ENTPD6: variants seen among roughly 807,000 people sequenced by gnomAD.
ENTPD6 encodes ectonucleoside triphosphate diphosphohydrolase 6, also known as CD39 antigen-like 2.
A neutral mutation model predicts 61.5 loss-of-function variants in ENTPD6; 46 were observed. The observed-to-expected ratio is 0.75, with a 90% CI of 0.59 to 0.96. ENTPD6 has a LOEUF of 0.96. Among genes scored for constraint, ENTPD6 ranks in the 40% least tolerant of loss-of-function variants. ENTPD6 has a pLI of 0.00. For synonymous variants in ENTPD6, 252 were observed against 255.5 expected, an observed-to-expected ratio of 0.99 and a Z score of 0.13; for missense variants, 612 against 629.0, an observed-to-expected ratio of 0.97 and a Z score of 0.29.
Position 25,207,406 on chromosome 20 carries a change from C to T in ENTPD6, c.376+9C>T, listed in dbSNP as rs1301508339. The stretch of plus-strand genomic sequence containing the variant: ...CACCCGGCCCCCCAGAGGTACCCGC[C>T]TCTCATGGCAGGGCTCTCGGGATCT... On this transcript the variant is annotated intron_variant, in intron 3 of 14. Coordinates refer to ENST00000376652, the MANE Select transcript of ENTPD6 (RefSeq NM_001247.5). 1.3e-6 allele frequency: 2 copies of T among 1,519,434 alleles called. No individual in the cohort carries two copies. The highest frequency in any genetic ancestry group is 1.8e-6 in the Non-Finnish European group (2 of 1,131,752). 94.1% of individuals were successfully genotyped at this position (1,519,434 alleles called of 1,614,324 possible).
At chr20:25,214,008 G>T (rs780732118) in intron 5 of ENTPD6, among the ~76,000 whole-genome samples, 15 of 152,220 alleles carry the variant, frequency 9.9e-5, no homozygotes, top group Non-Finnish European at 2.1e-4. Context: ...TCAGAAGTTT[G>T]TGTGTGCTGA....
intron 9 of ENTPD6, 72 bp from the exon 10 acceptor site, chr20:25,218,478 G>A: frequency 1.4e-6 from 2 of 1,432,888 alleles, no homozygotes; most frequent in Non-Finnish European, 1.9e-6. Flanking sequence ...CTCGGGCTGG[G>A]TCTCAGAGGT....
chr20:25,199,982 A>G (rs2122461898), intron 1 of ENTPD6, among the ~76,000 whole-genome samples: 1 of 152,078 alleles, frequency 6.6e-6, no homozygotes, highest in South Asian at 2.1e-4. Flanking sequence ...CCTGATTTCA[A>G]CTCTTTTAGA....
At chr20:25,223,128 C>T (rs1047996528) in intron 12 of ENTPD6, 150 bp downstream of exon 12, 5 of 863,156 alleles carry the variant, frequency 5.8e-6, no homozygotes, top group African/African-American at 3.4e-5. Flanking sequence ...TTTGAGAAGG[C>T]GTCTCATCCT....
At chr20:25,222,611 C>G (rs899452624) in intron 11 of ENTPD6, 1 of 493,770 alleles carries the variant, frequency 2.0e-6, no homozygotes, top group African/African-American at 1.9e-5. Flanking sequence ...TTCGTGCCCA[C>G]GGTCTTCACT....
At position 25,216,730 on chromosome 20, in the gene ENTPD6, C is replaced by T. The variant is rs140277685; in HGVS notation, c.792C>T (p.Arg264=). 30 of 1,575,652 alleles carry T rather than the reference C, an allele frequency of 1.9e-5. No homozygotes were observed. The highest frequency in any genetic ancestry group is 2.3e-5 in the East Asian group (1 of 42,618). ...CCACTCAGATCGCCTTCCTGCCACGCGTGGAGGTAACAAGCCCTGCCGACC... is the reference window on the plus strand; with the variant it reads ...CCACTCAGATCGCCTTCCTGCCACGTGTGGAGGTAACAAGCCCTGCCGACC... ...GGSTQIAFLP[R]VEGTLQASPP... Residue 264 remains arginine, a synonymous_variant, in exon 8 of 15, where the codon CGC becomes CGT. Coordinates refer to ENST00000376652, the MANE Select transcript of ENTPD6 (RefSeq NM_001247.5).
At chr20:25,202,093 A>G (rs1265246081) in intron 1 of ENTPD6, among the ~76,000 whole-genome samples, 2 of 152,238 alleles carry the variant, frequency 1.3e-5, no homozygotes, top group Non-Finnish European at 2.9e-5. Context: ...TGTTATTATA[A>G]TAAGAAATCA....
Position 25,207,384 on chromosome 20 carries a change from C to G in ENTPD6, c.363C>G (p.Thr121=), listed in dbSNP as rs749465292. The change falls in exon 3 of 15, where the codon ACC becomes ACG. Residue 121 remains threonine, a synonymous_variant. Coordinates refer to ENST00000376652, the MANE Select transcript of ENTPD6 (RefSeq NM_001247.5). ...CCCGAGTACACGTCTTCCAGTTCAC[C>G]CGGCCCCCCAGAGGTACCCGCCTCT... ...TGTRVHVFQF[T]RPPRETPTLT... 31 of 1,534,108 alleles carry G rather than the reference C, an allele frequency of 2.0e-5. No individual in the cohort carries two copies. Among genetic ancestry groups the G allele is most frequent in the Admixed American group, 1.5e-4 (8 of 52,344 alleles).
Position 25,207,301 on chromosome 20 carries a change from G to T in ENTPD6, c.280G>T (p.Ala94Ser). The change falls in exon 3 of 15, where the codon GCT becomes TCT. Residue 94 changes from alanine (A) to serine (S), a missense_variant. Ala to Ser is a moderately conservative substitution (Grantham distance 99, BLOSUM62 1). Transcript: ENST00000376652. ...GQQAHSPLGT[A>S]ADGHEVFYGI... ...GCAGGCCCACAGCCCCCTGGGGACA[G>T]CTGCAGACGGGCACGAGGTCTTCTA... is the stretch of plus-strand genomic sequence containing the variant. The T allele has an allele frequency of 1.9e-6, 3 of 1,606,754 alleles. No individual in the cohort carries two copies. Among genetic ancestry groups the T allele is most frequent in the Non-Finnish European group, 2.6e-6 (3 of 1,174,592 alleles).
intron 3 of ENTPD6, 128 bp downstream of exon 3, chr20:25,207,525 A>G: frequency 1.2e-6 from 1 of 837,112 alleles, no homozygotes; most frequent in Non-Finnish European, 1.8e-6. Context: ...TGACGCTGGT[A>G]TGGGCTGGGG....
intron 1 of ENTPD6, among the ~76,000 whole-genome samples, chr20:25,203,553 C>T (rs1406112256): frequency 6.6e-6 from 1 of 152,200 alleles, no homozygotes; most frequent in Non-Finnish European, 1.5e-5. Context: ...TCAGAGTTTT[C>T]AGTTCAGTTT....
intron 12 of ENTPD6, among the ~76,000 whole-genome samples, chr20:25,223,683 A>C (rs1178622144): frequency 6.7e-6 from 1 of 148,396 alleles, no homozygotes; most frequent in African/African-American, 2.5e-5. Context: ...ACCACCCCTC[A>C]GTGTATTTTT....
intron 10 of ENTPD6, among the ~76,000 whole-genome samples, chr20:25,219,041 C>A (rs1423256567): frequency 6.6e-6 from 1 of 152,202 alleles, no homozygotes; most frequent in Non-Finnish European, 1.5e-5. Context: ...ACCACCACGC[C>A]CAGCTAATTT....
At chr20:25,210,801 G>A (rs1437735329) in intron 4 of ENTPD6, among the ~76,000 whole-genome samples, 1 of 152,150 alleles carries the variant, frequency 6.6e-6, no homozygotes. Flanking sequence ...AATTAGCCAG[G>A]CATGGTGGCG....
intron 5 of ENTPD6, 139 bp downstream of exon 5, chr20:25,213,545 A>C (rs1600601057): frequency 1.3e-6 from 1 of 788,366 alleles, no homozygotes; most frequent in East Asian, 2.7e-5. Flanking sequence ...CATCACTTTT[A>C]GGTGGAGGGA....
intron 4 of ENTPD6, among the ~76,000 whole-genome samples, chr20:25,210,787 C>G (rs1237169412): frequency 6.6e-6 from 1 of 150,970 alleles, no homozygotes; most frequent in Non-Finnish European, 1.5e-5. Flanking sequence ...ACTAAAAATA[C>G]AAAAATTAGC....
intron 10 of ENTPD6, among the ~76,000 whole-genome samples, chr20:25,220,413 G>A (rs2092584460): frequency 6.6e-6 from 1 of 151,892 alleles, no homozygotes; most frequent in Non-Finnish European, 1.5e-5. Context: ...GGGGGTCTGT[G>A]CAGGTGCATA....
At chr20:25,206,079 A>G (rs370447660) in intron 1 of ENTPD6, among the ~76,000 whole-genome samples, 4 of 152,224 alleles carry the variant, frequency 2.6e-5, no homozygotes, top group Non-Finnish European at 4.4e-5. Flanking sequence ...TGTTCTGAGC[A>G]CATTGAATCC....
At chr20:25,209,318 G>A (rs984511469) in intron 3 of ENTPD6, among the ~76,000 whole-genome samples, 2 of 151,514 alleles carry the variant, frequency 1.3e-5, no homozygotes, top group South Asian at 2.1e-4. Context: ...CACCATATTC[G>A]CCAGGATGGT....
Sources: allele counts gnomAD v4.1 joint callset (sites outside exome capture counted in the v4.1 genomes callset), GRCh38; gene constraint gnomAD v4.1.1; transcripts MANE v1.5; gene names NCBI Gene and HGNC (gene_info 2026-07-23, HGNC 2026-07-21).